CD2AP: variants seen among roughly 807,000 people sequenced by gnomAD.
CD2AP encodes the protein CD2 associated protein, also known as CD2-associated protein.
Under a neutral mutation model 85.1 loss-of-function variants are expected in CD2AP, and 46 were observed. That is an observed-to-expected ratio of 0.54 (90% CI 0.43 to 0.69). CD2AP has a LOEUF of 0.69. Among genes scored for constraint, CD2AP ranks in the 30% least tolerant of loss-of-function variants. The pLI, the probability that CD2AP is intolerant of heterozygous loss-of-function variation, is 0.00. For synonymous variants in CD2AP, 255 were observed against 252.9 expected, an observed-to-expected ratio of 1.01 and a Z score of -0.08; for missense variants, 769 against 729.5, an observed-to-expected ratio of 1.05 and a Z score of -0.62.
At chr6:47,574,867 A>G (rs540356782) in intron 6 of CD2AP, among the ~76,000 whole-genome samples, 232 of 152,270 alleles carry the variant, frequency 1.5e-3, no homozygotes, top group African/African-American at 5.4e-3. Context: ...ATTTGGTGGT[A>G]AAATAGCTAC....
chr6:47,566,143 C>T (rs1311050880), intron 5 of CD2AP, among the ~76,000 whole-genome samples: 1 of 151,892 alleles, frequency 6.6e-6, no homozygotes, highest in African/African-American at 2.4e-5. Context: ...TCTCAGAAAT[C>T]ACCTTATCAG....
At chr6:47,557,272 G>C (rs537120294) in intron 5 of CD2AP, among the ~76,000 whole-genome samples, 2 of 151,422 alleles carry the variant, frequency 1.3e-5, no homozygotes, top group African/African-American at 4.8e-5. Flanking sequence ...CCATTCTGTA[G>C]GTTGCCTGTT....
At chr6:47,483,865 A>T (rs1490813222) in intron 1 of CD2AP, among the ~76,000 whole-genome samples, 1 of 149,942 alleles carries the variant, frequency 6.7e-6, no homozygotes, top group Non-Finnish European at 1.5e-5. Flanking sequence ...AATGTGAAGC[A>T]GATTACAAAA....
chr6:47,607,920 C>A lies in CD2AP; in HGVS notation c.1531-7C>A, dbSNP rs769731546. ...TTATGTCTCTTGACTTCTAAAAAAT[C>A]ATTTAGCCAACTCACAGCCCCGAAA... is the stretch of plus-strand genomic sequence containing the variant. On this transcript the variant is annotated splice_polypyrimidine_tract_variant and splice_region_variant and intron_variant, in intron 14 of 17. Transcript: ENST00000359314. The A allele has an allele frequency of 1.9e-6, 3 of 1,601,292 alleles. No individual in the cohort carries two copies. In the South Asian group the frequency reaches 3.3e-5, roughly 18 times the overall value.
chr6:47,540,828 C>A (rs1428982842), intron 3 of CD2AP, among the ~76,000 whole-genome samples: 1 of 152,150 alleles, frequency 6.6e-6, no homozygotes, highest in Non-Finnish European at 1.5e-5. Flanking sequence ...TATAAGAGCA[C>A]CTTGAACAAA....
At chr6:47,588,281 C>T (rs1768685029) in intron 11 of CD2AP, among the ~76,000 whole-genome samples, 1 of 152,026 alleles carries the variant, frequency 6.6e-6, no homozygotes, top group Non-Finnish European at 1.5e-5. Flanking sequence ...TTGGGATATT[C>T]TTTACCCTGC....
At chr6:47,543,148 C>CAAAAAAAAAAAAAAAAAAAAAAAGAAA (rs1767267018) in intron 3 of CD2AP, among the ~76,000 whole-genome samples, 6 of 60,320 alleles carry the variant, frequency 9.9e-5, no homozygotes, top group Non-Finnish European at 1.7e-4. Flanking sequence ...AAGACTGTCT[C>CAAAAAAAAAAAAAAAAAAAAAAAGAAA]AAAAAAAAAA....
rs1769892497 is a variant in CD2AP at position 47,625,794 on chromosome 6, ATG to A, written c.*1569_*1570del. 6.6e-6 allele frequency: 1 copy of A among 151,810 alleles called. No homozygotes were observed. Among genetic ancestry groups the A allele is most frequent in the Admixed American group, 6.6e-5 (1 of 15,240 alleles). 9.4% of individuals were successfully genotyped at this position (151,810 alleles called of 1,614,324 possible). A position where few individuals can be genotyped will look rare whatever the true frequency, so the allele number is the denominator to read the frequency against. ...AATAGAAATGCCAGTAAACAACATAATGTTTAATTTACAACTTACATTAGGGG... is the reference window on the plus strand; with the variant it reads ...AATAGAAATGCCAGTAAACAACATAATTTAATTTACAACTTACATTAGGGG... On this transcript the variant is annotated 3_prime_UTR_variant, in exon 18 of 18. Transcript: ENST00000359314.
chr6:47,581,530 T>C (rs1768479651), intron 10 of CD2AP, among the ~76,000 whole-genome samples: 1 of 152,174 alleles, frequency 6.6e-6, no homozygotes. Flanking sequence ...AAAGAAAACA[T>C]AAGTTAAAAG....
intron 9 of CD2AP, 125 bp downstream of exon 9, chr6:47,579,614 C>G (rs1768417276): frequency 1.5e-6 from 1 of 667,242 alleles, no homozygotes; most frequent in Non-Finnish European, 2.7e-6. Context: ...TGTAGCTATT[C>G]AGGTAGGAGT....
At chr6:47,585,400 T>G (rs1768598504) in intron 11 of CD2AP, among the ~76,000 whole-genome samples, 1 of 152,002 alleles carries the variant, frequency 6.6e-6, no homozygotes, top group South Asian at 2.1e-4. Flanking sequence ...CACTCCTGAG[T>G]TAAACAACTG....
At chr6:47,592,659 G>T (rs1352775457) in intron 11 of CD2AP, among the ~76,000 whole-genome samples, 1 of 152,062 alleles carries the variant, frequency 6.6e-6, no homozygotes, top group Admixed American at 6.6e-5. Context: ...GGGCCTTGTT[G>T]CCAGGGGAAC....
intron 17 of CD2AP, among the ~76,000 whole-genome samples, chr6:47,621,479 A>G (rs950372882): frequency 6.6e-6 from 1 of 152,186 alleles, no homozygotes; most frequent in Non-Finnish European, 1.5e-5. Context: ...ATCTGTGTTC[A>G]TCAAAGATAC....
chr6:47,481,289 G>C (rs1765434745), intron 1 of CD2AP, among the ~76,000 whole-genome samples: 1 of 152,088 alleles, frequency 6.6e-6, no homozygotes, highest in Non-Finnish European at 1.5e-5. Context: ...GAACTTTTTA[G>C]TTTATTTTAT....
At chr6:47,527,159 T>C (rs1766753080) in intron 2 of CD2AP, among the ~76,000 whole-genome samples, 1 of 152,186 alleles carries the variant, frequency 6.6e-6, no homozygotes, top group Admixed American at 6.5e-5. Context: ...AAAGTTTTTT[T>C]GAACAGTTAC....
At chr6:47,493,655 T>C (rs910940017) in intron 1 of CD2AP, among the ~76,000 whole-genome samples, 3 of 152,158 alleles carry the variant, frequency 2.0e-5, no homozygotes, top group Admixed American at 1.3e-4. Flanking sequence ...TATTCTGCTC[T>C]GTTTCCCCAT....
chr6:47,607,932 TCA>T lies in CD2AP; in HGVS notation c.1539_1540del (p.His513GlnfsTer21). 6.2e-7 allele frequency: 1 copy of T among 1,610,732 alleles called. No individual in the cohort carries two copies. The highest frequency in any genetic ancestry group is 8.5e-7 in the Non-Finnish European group (1 of 1,177,606). On this transcript the variant is annotated frameshift_variant, in exon 15 of 18. Transcript: ENST00000359314. LOFTEE classifies it high-confidence loss of function. Reference sequence around the variant, plus strand: ...ACTTCTAAAAAATCATTTAGCCAACTCACAGCCCCGAAAAAATCTTGAAGTTA... The same window carrying T: ...ACTTCTAAAAAATCATTTAGCCAACTCAGCCCCGAAAAAATCTTGAAGTTA... ...GRFNGGHSPTHSPEKILKLPK... is the reference protein window; with the variant it reads ...GRFNGGHSPTXSPEKILKLPK...
chr6:47,619,759 A>G, intron 17 of CD2AP, among the ~76,000 whole-genome samples: 1 of 152,168 alleles, frequency 6.6e-6, no homozygotes, highest in East Asian at 1.9e-4. Flanking sequence ...GATTATGGCC[A>G]TTCTTGCAGG....
At chr6:47,563,994 AAGAT>A (rs1203404315) in intron 5 of CD2AP, among the ~76,000 whole-genome samples, 1 of 152,202 alleles carries the variant, frequency 6.6e-6, no homozygotes, top group South Asian at 2.1e-4. Flanking sequence ...ATTGTATTGA[AAGAT>A]AGAAAAATCA....
Sources: gnomAD v4.1 joint callset for allele counts (sites outside exome capture counted in the v4.1 genomes callset) on GRCh38, gnomAD v4.1.1 for gene constraint, MANE v1.5 for transcripts, NCBI Gene and HGNC (gene_info 2026-07-23, HGNC 2026-07-21) for gene names.